The following SSH2 variants were observed in gnomAD, a reference collection of about 807,000 sequenced individuals.
SSH2 encodes slingshot protein phosphatase 2, also known as protein phosphatase Slingshot homolog 2.
A neutral mutation model predicts 135.2 loss-of-function variants in SSH2; 37 were observed. That is an observed-to-expected ratio of 0.27 (90% CI 0.21 to 0.36). SSH2 has a LOEUF of 0.36. Ranked by LOEUF, SSH2 falls within the 10% of genes least tolerant of loss-of-function variation. The pLI is 1.00. For synonymous variants in SSH2, 628 were observed against 646.2 expected (o/e 0.97, Z 0.43); for missense variants, 1,408 against 1,765.3 (o/e 0.80, Z 3.63).
At chr17:29,643,455 A>G in intron 14 of SSH2, 5 of 167,694 alleles carry the variant, frequency 3.0e-5, no homozygotes, top group Non-Finnish European at 5.8e-5. Context: ...TCTGTCACCC[A>G]GGCTGGAGTG....
intron 2 of SSH2, among the ~76,000 whole-genome samples, chr17:29,818,790 G>C (rs1399073073): frequency 1.3e-5 from 2 of 151,704 alleles, no homozygotes; most frequent in Non-Finnish European, 2.9e-5. Flanking sequence ...AGAGTTAGCT[G>C]TATGTATAAA....
In SSH2 at chr17:29,896,412, T is replaced by C. The variant is rs28678453; in HGVS notation, c.63+33526A>G. On this transcript the variant is annotated intron_variant, in intron 1 of 15. Coordinates refer to ENST00000540801, the MANE Select transcript of SSH2 (RefSeq NM_001282129.2). Reference sequence around the variant, plus strand: ...TCATGTATAAAATGTATTTTATATATACATTTCATGTATAAAATATATAAA... The same window carrying C: ...TCATGTATAAAATGTATTTTATATACACATTTCATGTATAAAATATATAAA... Among the ~76,000 whole-genome samples the C allele has an allele frequency of 9.6e-3, 1,355 of 140,880 alleles. 28 individuals are homozygous for C. The highest frequency in any genetic ancestry group is 0.019 in the African/African-American group (700 of 37,298). The allele number at this position is 140,880 out of a possible 152,430, so 92.4% of individuals were successfully genotyped here. A position where few individuals can be genotyped will look rare whatever the true frequency, so the allele number is the denominator to read the frequency against.
chr17:29,679,237 A>T (rs143030734), intron 6 of SSH2, among the ~76,000 whole-genome samples: 2 of 152,192 alleles, frequency 1.3e-5, no homozygotes, highest in Admixed American at 1.3e-4. Flanking sequence ...GCTCCATGCC[A>T]ATCTATCTAG....
At chr17:29,818,632 C>A (rs1023831094) in intron 2 of SSH2, among the ~76,000 whole-genome samples, 1 of 152,128 alleles carries the variant, frequency 6.6e-6, no homozygotes, top group Admixed American at 6.6e-5. Flanking sequence ...AAATGGCAAA[C>A]AACAAAGAGC....
At chr17:29,779,887 G>A (rs2041802723) in intron 3 of SSH2, among the ~76,000 whole-genome samples, 2 of 142,136 alleles carry the variant, frequency 1.4e-5, no homozygotes, top group South Asian at 2.3e-4. Context: ...TCTAATAAAT[G>A]GAAAGCTCTA....
chr17:29,794,020 ACATGTTGTGTACTTGAACTAAATTACT>A, intron 2 of SSH2, 83 bp from the exon 3 acceptor site: 1 of 1,093,676 alleles, frequency 9.1e-7, no homozygotes. Flanking sequence ...ACTAAGTTTC[ACATGTTGTGTACTTGAACTAAATTACT>A]CATGTTGTAT....
chr17:29,717,034 C>A (rs2039647561), intron 3 of SSH2, among the ~76,000 whole-genome samples: 1 of 152,236 alleles, frequency 6.6e-6, no homozygotes, highest in African/African-American at 2.4e-5. Flanking sequence ...TGGTAACTCT[C>A]TGACCATTCC....
intron 3 of SSH2, among the ~76,000 whole-genome samples, chr17:29,735,693 T>C (rs529158801): frequency 1.5e-5 from 2 of 130,588 alleles, no homozygotes; most frequent in Non-Finnish European, 3.2e-5. Flanking sequence ...CAAGATTCTG[T>C]CTCAAAAAAA....
intron 14 of SSH2, among the ~76,000 whole-genome samples, chr17:29,641,244 T>C (rs918772565): frequency 4.6e-5 from 7 of 152,240 alleles, no homozygotes; most frequent in African/African-American, 1.7e-4. Context: ...CTAAACTGTT[T>C]TTTTCCAATG....
intron 3 of SSH2, among the ~76,000 whole-genome samples, chr17:29,758,748 TTTA>T (rs1425244471): frequency 3.9e-5 from 6 of 152,106 alleles, no homozygotes; most frequent in Non-Finnish European, 7.4e-5. Flanking sequence ...TAAAAATTAT[TTTA>T]TTATTATTAT....
At chr17:29,850,100 A>T (rs1044642770) in intron 1 of SSH2, among the ~76,000 whole-genome samples, 2 of 151,462 alleles carry the variant, frequency 1.3e-5, no homozygotes, top group African/African-American at 2.4e-5. Context: ...ACCAGAAAAC[A>T]ATTTAAAACC....
intron 1 of SSH2, among the ~76,000 whole-genome samples, chr17:29,909,465 G>A (rs2066725678): frequency 6.6e-6 from 1 of 152,076 alleles, no homozygotes; most frequent in Admixed American, 6.5e-5. Flanking sequence ...TGAGTCTCAA[G>A]GGGCAGTAAA....
At chr17:29,822,205 C>T (rs1396514937) in intron 2 of SSH2, among the ~76,000 whole-genome samples, 2 of 152,174 alleles carry the variant, frequency 1.3e-5, no homozygotes, top group African/African-American at 4.8e-5. Context: ...CTTACCAGGT[C>T]ACCTGAGACT....
chr17:29,669,210 T>C (rs138502912), intron 9 of SSH2, among the ~76,000 whole-genome samples: 2,728 of 151,636 alleles, frequency 0.018, 33 homozygotes, highest in Middle Eastern at 0.054. Flanking sequence ...GATAGTGCCA[T>C]TGCACTCCAG....
At chr17:29,753,756 G>C (rs1202224503) in intron 3 of SSH2, among the ~76,000 whole-genome samples, 1 of 145,548 alleles carries the variant, frequency 6.9e-6, no homozygotes, top group Non-Finnish European at 1.5e-5. Context: ...TCGTGCCACT[G>C]TACTCCAGCC....
chr17:29,803,436 T>C (rs1273575174), intron 2 of SSH2, among the ~76,000 whole-genome samples: 1 of 152,178 alleles, frequency 6.6e-6, no homozygotes, highest in Non-Finnish European at 1.5e-5. Flanking sequence ...CTAATTTATC[T>C]TGGGCTTCCT....
intron 3 of SSH2, among the ~76,000 whole-genome samples, chr17:29,731,600 C>A (rs953804010): frequency 9.2e-5 from 14 of 152,090 alleles, no homozygotes; most frequent in African/African-American, 3.4e-4. Flanking sequence ...GGATTACAGG[C>A]ATGCGCCGCT....
intron 2 of SSH2, among the ~76,000 whole-genome samples, chr17:29,845,819 G>C (rs577455105): frequency 6.6e-6 from 1 of 151,758 alleles, no homozygotes; most frequent in Non-Finnish European, 1.5e-5. Context: ...CTTGGCCTCC[G>C]AAAGTGTTGG....
chr17:29,640,967 G>C (rs2036136000), intron 14 of SSH2: 1 of 152,090 alleles, frequency 6.6e-6, no homozygotes. Context: ...AATCCACAGA[G>C]TGTAATGAGT....
Sources: allele counts gnomAD v4.1 joint callset (sites outside exome capture counted in the v4.1 genomes callset), GRCh38; gene constraint gnomAD v4.1.1; transcripts MANE v1.5; gene names NCBI Gene and HGNC (gene_info 2026-07-23, HGNC 2026-07-21).